The following XKR6 variants were observed in gnomAD, a reference collection of about 807,000 sequenced individuals.
XKR6 encodes the protein XK related 6, also known as XK-related protein 6.
Under a neutral mutation model 56.7 loss-of-function variants are expected in XKR6, and 22 were observed. The observed-to-expected ratio is 0.39, with a 90% CI of 0.28 to 0.55. XKR6 has a LOEUF of 0.55. Ranked by LOEUF, XKR6 falls within the 20% of genes least tolerant of loss-of-function variation. The probability of loss-of-function intolerance (pLI) is 0.66; values close to 1 mark genes in which losing one functional copy is unlikely to be tolerated. For missense variants in XKR6, 852 were observed against 889.0 expected, an observed-to-expected ratio of 0.96 and a Z score of 0.53; for synonymous variants, 524 against 387.8, an observed-to-expected ratio of 1.35 and a Z score of -4.13.
chr8:10,966,608 A>C (rs1245429276), intron 1 of XKR6, among the ~76,000 whole-genome samples: 1 of 152,188 alleles, frequency 6.6e-6, no homozygotes, highest in Non-Finnish European at 1.5e-5. Flanking sequence ...CAGGAGGCGG[A>C]GCTTGCAGTG....
At chr8:11,047,550 T>A (rs1386910525) in intron 1 of XKR6, among the ~76,000 whole-genome samples, 1 of 152,114 alleles carries the variant, frequency 6.6e-6, no homozygotes, top group Non-Finnish European at 1.5e-5. Context: ...TGATTCCACA[T>A]CTGTGAGGTC....
At chr8:11,025,525 G>A (rs549340098) in intron 1 of XKR6, among the ~76,000 whole-genome samples, 2 of 152,276 alleles carry the variant, frequency 1.3e-5, no homozygotes, top group African/African-American at 4.8e-5. Context: ...GAGTGGGGGC[G>A]GCCTGGGGGA....
chr8:10,902,642 G>T (rs142385737), intron 2 of XKR6, among the ~76,000 whole-genome samples: 1,548 of 152,228 alleles, frequency 0.01, 31 homozygotes, highest in African/African-American at 0.035. Flanking sequence ...GGCTCTTCAG[G>T]GTTCGAACGC....
chr8:11,184,760 G>C (rs1330852067), intron 1 of XKR6, among the ~76,000 whole-genome samples: 2 of 151,902 alleles, frequency 1.3e-5, no homozygotes, highest in Non-Finnish European at 2.9e-5. Context: ...TCAAACTCCT[G>C]GGCTCATGCA....
chr8:11,171,970 T>C (rs1802395338), intron 1 of XKR6, among the ~76,000 whole-genome samples: 1 of 151,430 alleles, frequency 6.6e-6, no homozygotes, highest in South Asian at 2.1e-4. Context: ...AAAGAATCGC[T>C]TGAACCCGGG....
intron 2 of XKR6, among the ~76,000 whole-genome samples, chr8:10,908,346 T>C (rs1166100572): frequency 1.3e-5 from 2 of 151,666 alleles, no homozygotes; most frequent in Non-Finnish European, 2.9e-5. Flanking sequence ...CTACAGTCCT[T>C]AGAAGGGCCG....
intron 1 of XKR6, among the ~76,000 whole-genome samples, chr8:10,982,232 G>GGC (rs1226292020): frequency 7.2e-5 from 11 of 152,146 alleles, no homozygotes; most frequent in Admixed American, 1.3e-4. Context: ...ATAAGAGAAC[G>GGC]GCACTTTCTC....
At chr8:11,199,581 A>G (rs1333731073) in intron 1 of XKR6, among the ~76,000 whole-genome samples, 3 of 152,220 alleles carry the variant, frequency 2.0e-5, no homozygotes, top group East Asian at 3.9e-4. Context: ...CCTACAACTC[A>G]CTGTTTCCAG....
At chr8:11,176,884 C>T (rs1012488642) in intron 1 of XKR6, among the ~76,000 whole-genome samples, 1 of 152,200 alleles carries the variant, frequency 6.6e-6, no homozygotes, top group Non-Finnish European at 1.5e-5. Flanking sequence ...GCCCCTGCCA[C>T]CAGAGCAACA....
chr8:10,939,818 G>C (rs1002443779), intron 1 of XKR6, among the ~76,000 whole-genome samples: 1 of 152,216 alleles, frequency 6.6e-6, no homozygotes, highest in Non-Finnish European at 1.5e-5. Context: ...CCAAGGCCAG[G>C]GGCTGGGCCC....
intron 2 of XKR6, among the ~76,000 whole-genome samples, chr8:10,906,046 C>T (rs1800180160): frequency 6.6e-6 from 1 of 152,128 alleles, no homozygotes; most frequent in African/African-American, 2.4e-5. Context: ...AATAACCCAC[C>T]CAAGGCCACA....
At chr8:11,130,416 C>G (rs1183962067) in intron 1 of XKR6, among the ~76,000 whole-genome samples, 4 of 152,112 alleles carry the variant, frequency 2.6e-5, no homozygotes, top group Non-Finnish European at 5.9e-5. Flanking sequence ...TATCCATCCA[C>G]GCTCCTTGGA....
chr8:10,898,945 C>G lies in XKR6; in HGVS notation c.962-29G>C, dbSNP rs770940734. 6.4e-7 allele frequency: 1 copy of G among 1,564,718 alleles called. No homozygotes were observed. The highest frequency in any genetic ancestry group is 1.4e-5 in the African/African-American group (1 of 73,454). ...CCGGAAAGACACAAACCCACACAGT[C>G]AAAACCTTGGACATCAACCGCAGGG... is the stretch of plus-strand genomic sequence containing the variant. On this transcript the variant is annotated intron_variant, in intron 2 of 2. Transcript: ENST00000416569. This position sits in a 1 kb window ranked among gnomAD's most constrained non-coding sequence, Gnocchi z 6.6.
At chr8:10,906,759 C>T (rs993416226) in intron 2 of XKR6, among the ~76,000 whole-genome samples, 2 of 152,158 alleles carry the variant, frequency 1.3e-5, no homozygotes, top group African/African-American at 2.4e-5. Context: ...AGAGGCTGGG[C>T]GTGGTGGCTC....
At position 11,130,865 on chromosome 8, in the gene XKR6, T is replaced by C. The variant is rs141255473; in HGVS notation, c.764+69711A>G. ...CTCCAGTCCCTTAAGTATATGCCACTTGACTGCAGCAATGGTAACAGTAAC... is the reference window on the plus strand; with the variant it reads ...CTCCAGTCCCTTAAGTATATGCCACCTGACTGCAGCAATGGTAACAGTAAC... On this transcript the variant is annotated intron_variant, in intron 1 of 2. Transcript: ENST00000416569. Among the ~76,000 whole-genome samples the C allele has an allele frequency of 3.6e-3, 544 of 152,232 alleles. 7 individuals carry two copies. The highest frequency in any genetic ancestry group is 0.013 in the African/African-American group (525 of 41,500).
At chr8:11,037,454 G>C (rs73541281) in intron 1 of XKR6, among the ~76,000 whole-genome samples, 15,378 of 152,158 alleles carry the variant, frequency 0.1, 866 homozygotes, top group African/African-American at 0.15. Flanking sequence ...CCAATTCCTG[G>C]GATCTAGCGA....
chr8:11,014,418 G>T (rs1438361255), intron 1 of XKR6, among the ~76,000 whole-genome samples: 1 of 152,110 alleles, frequency 6.6e-6, no homozygotes, highest in Non-Finnish European at 1.5e-5. Flanking sequence ...CTTCCGTAAA[G>T]GCAGGAAAAC....
intron 1 of XKR6, among the ~76,000 whole-genome samples, chr8:11,082,187 GGT>G (rs1563123875): frequency 6.6e-6 from 1 of 152,214 alleles, no homozygotes; most frequent in Non-Finnish European, 1.5e-5. Flanking sequence ...ACATAGAAAA[GGT>G]GGTCCTCTCC....
At chr8:11,008,174 C>T (rs573283231) in intron 1 of XKR6, among the ~76,000 whole-genome samples, 6 of 152,200 alleles carry the variant, frequency 3.9e-5, no homozygotes, top group Non-Finnish European at 8.8e-5. Context: ...TCGGTGGCTT[C>T]TGCTGTCTAC....
Sources: gnomAD v4.1 joint callset for allele counts (sites outside exome capture counted in the v4.1 genomes callset) on GRCh38, gnomAD v4.1.1 for gene constraint, Gnocchi (gnomAD v3.1) non-coding constraint, MANE v1.5 for transcripts, NCBI Gene and HGNC (gene_info 2026-07-23, HGNC 2026-07-21) for gene names.